Variants in ZFYVE28 observed in about 807,000 individuals in gnomAD.
The protein encoded by ZFYVE28 is lateral signaling target protein 2 homolog.
Under a neutral mutation model 82.1 loss-of-function variants are expected in ZFYVE28, and 40 were observed. That is an observed-to-expected ratio of 0.49 (90% CI 0.38 to 0.63). ZFYVE28 has a LOEUF of 0.63. ZFYVE28 is among the 30% of genes least tolerant of loss of function. The pLI is 0.00. For synonymous variants in ZFYVE28, 612 were observed against 546.1 expected (o/e 1.12, Z -1.68); for missense variants, 1,321 against 1,242.1 (o/e 1.06, Z -0.96).
chr4:2,313,850 A>G (rs866116169), intron 7 of ZFYVE28, among the ~76,000 whole-genome samples: 14 of 146,032 alleles, frequency 9.6e-5, no homozygotes, highest in African/African-American at 3.3e-4. Flanking sequence ...CTCTGTCTCA[A>G]AAAAAAAAAA....
At chr4:2,355,748 T>A (rs1725219441) in intron 1 of ZFYVE28, among the ~76,000 whole-genome samples, 1 of 152,180 alleles carries the variant, frequency 6.6e-6, no homozygotes, top group African/African-American at 2.4e-5. Flanking sequence ...CAGCTAATTT[T>A]AAATTTTTTC....
At chr4:2,323,896 G>C (rs985628587) in intron 6 of ZFYVE28, among the ~76,000 whole-genome samples, 2 of 152,000 alleles carry the variant, frequency 1.3e-5, no homozygotes, top group Non-Finnish European at 2.9e-5. Context: ...TGGCTGCATA[G>C]TATTCCATGG....
chr4:2,370,512 G>A (rs565190895), intron 1 of ZFYVE28, among the ~76,000 whole-genome samples: 1 of 152,258 alleles, frequency 6.6e-6, no homozygotes, highest in South Asian at 2.1e-4. Flanking sequence ...CACATTCTGG[G>A]AGATCTCTTT....
At position 2,304,933 on chromosome 4, in the gene ZFYVE28, A is replaced by C; in HGVS notation, c.1407T>G (p.Asp469Glu). The part of the protein sequence containing the change: ...SNNNLEAEGT[D>E]GASLAGTSSC... The stretch of plus-strand genomic sequence containing the variant: ...AGCTGGTGCCCGCGAGGCTGGCCCC[A>C]TCTGTGCCCTCGGCCTCGAGATTGT... Residue 469 changes from aspartate to glutamate, a missense_variant, in exon 8 of 13, where the codon GAT becomes GAG. Physicochemically the swap from Asp to Glu is conservative, Grantham distance 45 (BLOSUM62 2). Transcript: ENST00000290974. 1 of 1,612,576 alleles carries C rather than the reference A, an allele frequency of 6.2e-7. No homozygotes were observed. Among genetic ancestry groups the C allele is most frequent in the Non-Finnish European group, 8.5e-7 (1 of 1,179,840 alleles).
chr4:2,288,162 G>A (rs551686566), intron 8 of ZFYVE28, among the ~76,000 whole-genome samples: 1 of 152,266 alleles, frequency 6.6e-6, no homozygotes, highest in East Asian at 1.9e-4. Context: ...GGAGGAGGCG[G>A]CCTGGCCTGA....
chr4:2,376,919 C>CT (rs1466008732), intron 1 of ZFYVE28, among the ~76,000 whole-genome samples: 1 of 151,964 alleles, frequency 6.6e-6, no homozygotes, highest in Non-Finnish European at 1.5e-5. Context: ...GAGCGAGACC[C>CT]TGTCTCAAAA....
chr4:2,353,678 C>T lies in ZFYVE28; in HGVS notation c.180+255G>A, dbSNP rs764826911. Reference sequence around the variant, plus strand: ...CCTTGGCTCAGAAGCCTGCTCACTCCGCACCCCCTGCCCCCGCTCTCCCAG... The same window carrying T: ...CCTTGGCTCAGAAGCCTGCTCACTCTGCACCCCCTGCCCCCGCTCTCCCAG... On this transcript the variant is annotated intron_variant, in intron 2 of 12. Transcript: ENST00000290974. Among the ~76,000 whole-genome samples the T allele has an allele frequency of 5.3e-5, 8 of 152,156 alleles. No individual in the cohort carries two copies. The East Asian group carries it at 5.8e-4, about 11-fold the overall frequency.
At chr4:2,370,574 C>T (rs904055010) in intron 1 of ZFYVE28, among the ~76,000 whole-genome samples, 2 of 152,210 alleles carry the variant, frequency 1.3e-5, no homozygotes, top group Non-Finnish European at 2.9e-5. Context: ...AGAGGTAGCC[C>T]TGGACCCAAT....
At chr4:2,345,122 C>T (rs1341601408) in intron 2 of ZFYVE28, among the ~76,000 whole-genome samples, 2 of 152,012 alleles carry the variant, frequency 1.3e-5, no homozygotes, top group Non-Finnish European at 2.9e-5. Context: ...ATGGCATGAA[C>T]CCAGGAGACA....
At chr4:2,349,974 C>A (rs1007335542) in intron 2 of ZFYVE28, among the ~76,000 whole-genome samples, 3 of 151,936 alleles carry the variant, frequency 2.0e-5, no homozygotes, top group African/African-American at 7.3e-5. Context: ...GATGTCTGCT[C>A]TCACCACTTC....
chr4:2,367,347 C>A (rs1476915069), intron 1 of ZFYVE28, among the ~76,000 whole-genome samples: 1 of 142,172 alleles, frequency 7.0e-6, no homozygotes, highest in Non-Finnish European at 1.5e-5. Context: ...TAGCAGGGTG[C>A]CCCCGGGGTG....
chr4:2,372,796 G>A lies in ZFYVE28; in HGVS notation c.40-18723C>T, dbSNP rs574547355. Among the ~76,000 whole-genome samples the A allele has an allele frequency of 4.9e-4, 75 of 152,242 alleles. No homozygotes were observed. The highest frequency in any genetic ancestry group is 9.6e-4 in the Non-Finnish European group (65 of 67,984). ...GCTGCCTCCCTGGACCAAGGATGCT[G>A]CACACCCCTAAGACCTAGCCTCCCC... On this transcript the variant is annotated intron_variant, in intron 1 of 12. Transcript: ENST00000290974. The surrounding 1 kb of genome is among the most constrained non-coding windows in gnomAD (Gnocchi z 5.2).
At chr4:2,344,764 C>T (rs1048203231) in intron 2 of ZFYVE28, among the ~76,000 whole-genome samples, 7 of 152,040 alleles carry the variant, frequency 4.6e-5, no homozygotes, top group Middle Eastern at 3.4e-3. Context: ...GGTGTGGTGG[C>T]GAATGCCTAT....
rs760854169 is a variant in ZFYVE28 at position 2,305,132 on chromosome 4, A to G, written c.1208T>C (p.Met403Thr). The change falls in exon 8 of 13, where the codon ATG becomes ACG. Residue 403 changes from methionine (M) to threonine (T), a missense_variant. Met to Thr is a moderately conservative substitution (Grantham distance 81, BLOSUM62 -1). Around this residue, in one of 2 missense-constraint regions of ZFYVE28, gnomAD observed 978 missense variants for 833.7 expected, o/e 1.17. Transcript: ENST00000290974. ...TTCTGCCGTCCCCTCCACGTCATCC[A>G]TGAAGAACACGCGCTCCTCCTCGTC... is the stretch of plus-strand genomic sequence containing the variant. ...GSDEEERVFF[M>T]DDVEGTAEAL... The G allele has an allele frequency of 1.3e-6, 2 of 1,591,704 alleles. No homozygotes were observed. The highest frequency in any genetic ancestry group is 8.6e-7 in the Non-Finnish European group (1 of 1,167,688).
rs1281131620 is a variant in ZFYVE28 at position 2,362,710 on chromosome 4, C to G, written c.40-8637G>C. ...AGGCACACACTCCTGTGGTCCCAGGCACAGCCGTGCTGCCACACCCACCCC... is the reference window on the plus strand; with the variant it reads ...AGGCACACACTCCTGTGGTCCCAGGGACAGCCGTGCTGCCACACCCACCCC... On this transcript the variant is annotated intron_variant, in intron 1 of 12. Coordinates refer to ENST00000290974, the MANE Select transcript of ZFYVE28 (RefSeq NM_020972.3). The surrounding 1 kb of genome is among the most constrained non-coding windows in gnomAD (Gnocchi z 5.1). Among the ~76,000 whole-genome samples the G allele has an allele frequency of 6.6e-6, 1 of 152,178 alleles. No homozygotes were observed. The highest frequency in any genetic ancestry group is 2.4e-5 in the African/African-American group (1 of 41,454).
chr4:2,311,775 T>C (rs544623892), intron 7 of ZFYVE28, among the ~76,000 whole-genome samples: 1 of 152,270 alleles, frequency 6.6e-6, no homozygotes, highest in African/African-American at 2.4e-5. Flanking sequence ...CTCATCTTAA[T>C]TTTCCTTTTT....
In ZFYVE28 at chr4:2,416,197, G is replaced by A. The variant is rs1667946978; in HGVS notation, c.39+2088C>T. The stretch of plus-strand genomic sequence containing the variant: ...CGCAATTCCTAATTCTCAGGACAAC[G>A]TCTAGTACCATGTTCTACCTTTAAC... On this transcript the variant is annotated intron_variant, in intron 1 of 12. Transcript: ENST00000290974. This position sits in a 1 kb window ranked among gnomAD's most constrained non-coding sequence, Gnocchi z 4.6. 6.6e-6 allele frequency among the ~76,000 whole-genome samples: 1 copy of A among 152,238 alleles called. No homozygotes were observed. Among genetic ancestry groups the A allele is most frequent in the African/African-American group, 2.4e-5 (1 of 41,462 alleles).
rs77787809 is a variant in ZFYVE28 at position 2,288,321 on chromosome 4, C to G, written c.2052-14105G>C. ...CTCCCAGGAAAACCAACAGGTGACACTAGAACGGAACCTCATCTCTAATGA... is the reference window on the plus strand; with the variant it reads ...CTCCCAGGAAAACCAACAGGTGACAGTAGAACGGAACCTCATCTCTAATGA... On this transcript the variant is annotated intron_variant, in intron 8 of 12. Transcript: ENST00000290974. 1.1e-3 allele frequency among the ~76,000 whole-genome samples: 169 copies of G among 152,324 alleles called. No homozygotes were observed. The East Asian group carries it at 0.013, about 11-fold the overall frequency.
At chr4:2,399,105 CT>C (rs1560339002) in intron 1 of ZFYVE28, among the ~76,000 whole-genome samples, 22 of 30,178 alleles carry the variant, frequency 7.3e-4, no homozygotes, top group East Asian at 3.0e-3. Flanking sequence ...AGGGCACAAG[CT>C]GGGGCAAGAT....
Sources: allele counts gnomAD v4.1 joint callset (sites outside exome capture counted in the v4.1 genomes callset), GRCh38; gene constraint gnomAD v4.1.1; regional missense constraint gnomAD v4.1.1; non-coding constraint Gnocchi (gnomAD v3.1); transcripts MANE v1.5; gene names NCBI Gene and HGNC (gene_info 2026-07-23, HGNC 2026-07-21).